TRAM2: variants seen among roughly 807,000 people sequenced by gnomAD.
The protein encoded by TRAM2 is translocation associated membrane protein 2.
Under a neutral mutation model 51.0 loss-of-function variants are expected in TRAM2, and 12 were observed. The observed-to-expected ratio is 0.24, with a 90% CI of 0.15 to 0.38. The LOEUF is 0.38. Ranked by LOEUF, TRAM2 falls within the 10% of genes least tolerant of loss-of-function variation. TRAM2 has a pLI of 1.00. For missense variants in TRAM2, 361 were observed against 462.0 expected (o/e 0.78, Z 2.00); for synonymous variants, 175 against 179.4 (o/e 0.98, Z 0.20).
intron 2 of TRAM2, among the ~76,000 whole-genome samples, chr6:52,530,663 A>G (rs937877665): frequency 6.6e-6 from 1 of 152,106 alleles, no homozygotes; most frequent in Non-Finnish European, 1.5e-5. Context: ...CGAAGGAACT[A>G]CCAGAAGCCA....
At chr6:52,546,867 G>A (rs1562485357) in intron 1 of TRAM2, among the ~76,000 whole-genome samples, 1 of 152,188 alleles carries the variant, frequency 6.6e-6, no homozygotes, top group Non-Finnish European at 1.5e-5. Flanking sequence ...TGAGCAGCCC[G>A]TGACCAGGTT....
chr6:52,558,296 G>A (rs1424190362), intron 1 of TRAM2, among the ~76,000 whole-genome samples: 1 of 152,136 alleles, frequency 6.6e-6, no homozygotes, highest in Non-Finnish European at 1.5e-5. Flanking sequence ...GGTGGGAGCA[G>A]GCCCAAAAGC....
intron 7 of TRAM2, 38 bp from the exon 8 acceptor site, chr6:52,506,174 G>C: frequency 6.3e-7 from 1 of 1,584,318 alleles, no homozygotes; most frequent in Non-Finnish European, 8.6e-7. Flanking sequence ...TTCCCTCCAA[G>C]ATGCTGCGTG....
chr6:52,516,147 T>C lies in TRAM2; in HGVS notation c.295-25A>G, dbSNP rs752568477. 3 of 1,595,620 alleles carry C rather than the reference T, an allele frequency of 1.9e-6. 1 individual carries two copies. In the South Asian group the frequency reaches 3.3e-5, roughly 18 times the overall value. ...TCTAAAGAATAAAGAAAACCCCTCATATTAATATACAAATGTATCCATATT... is the reference window on the plus strand; with the variant it reads ...TCTAAAGAATAAAGAAAACCCCTCACATTAATATACAAATGTATCCATATT... On this transcript the variant is annotated intron_variant, in intron 3 of 10. Transcript: ENST00000182527.
At chr6:52,567,726 C>G (rs1011600520) in intron 1 of TRAM2, among the ~76,000 whole-genome samples, 1 of 152,210 alleles carries the variant, frequency 6.6e-6, no homozygotes, top group African/African-American at 2.4e-5. Context: ...CTTAAAGTCT[C>G]AAAGCCAAAC....
At chr6:52,572,593 A>T (rs1389922160) in intron 1 of TRAM2, among the ~76,000 whole-genome samples, 1 of 151,874 alleles carries the variant, frequency 6.6e-6, no homozygotes, top group African/African-American at 2.4e-5. Flanking sequence ...ACAGAGCGAG[A>T]CTCCTTCTCA....
At chr6:52,527,047 T>C (rs898484363) in intron 2 of TRAM2, among the ~76,000 whole-genome samples, 20 of 152,258 alleles carry the variant, frequency 1.3e-4, no homozygotes, top group South Asian at 2.1e-4. Context: ...CACTGTTAAA[T>C]TGACAAAAAT....
intron 2 of TRAM2, 72 bp downstream of exon 2, chr6:52,535,711 G>A (rs1032378145): frequency 5.0e-6 from 7 of 1,394,730 alleles, no homozygotes; most frequent in East Asian, 2.3e-5. Flanking sequence ...GTACACAGAT[G>A]GGGAAAAGGA....
intron 1 of TRAM2, among the ~76,000 whole-genome samples, chr6:52,544,922 T>C (rs1767171296): frequency 6.6e-6 from 1 of 152,202 alleles, no homozygotes; most frequent in African/African-American, 2.4e-5. Flanking sequence ...AGTCTCCGCA[T>C]ACCCCTAAGC....
chr6:52,514,140 GCAGA>G (rs1467611654), intron 4 of TRAM2, among the ~76,000 whole-genome samples: 1 of 152,146 alleles, frequency 6.6e-6, no homozygotes, highest in African/African-American at 2.4e-5. Context: ...GCAGAAAGCA[GCAGA>G]CAGTCTCAAT....
intron 1 of TRAM2, among the ~76,000 whole-genome samples, chr6:52,554,766 CTT>C (rs549322729): frequency 4.9e-4 from 65 of 133,222 alleles, no homozygotes; most frequent in Non-Finnish European, 3.8e-4. Context: ...AGAGTCAATC[CTT>C]TTTTTTTTTT....
At chr6:52,565,984 T>TAACAA (rs775367595) in intron 1 of TRAM2, among the ~76,000 whole-genome samples, 1 of 152,222 alleles carries the variant, frequency 6.6e-6, no homozygotes, top group African/African-American at 2.4e-5. Flanking sequence ...CTTATTTAGC[T>TAACAA]AACAAAACAA....
rs1276418212 is a variant in TRAM2 at position 52,500,053 on chromosome 6, CT to C, written c.*3143del. On this transcript the variant is annotated 3_prime_UTR_variant, in exon 11 of 11. Coordinates refer to ENST00000182527, the MANE Select transcript of TRAM2 (RefSeq NM_012288.4). ...CAGATCCTTGGTCCACCAGCGCCAC[CT>C]CCCTCTCCTCCTGCTGTGTCTGTTG... 1 of 152,360 alleles carries C rather than the reference CT, an allele frequency of 6.6e-6. No homozygotes were observed. Among genetic ancestry groups the C allele is most frequent in the African/African-American group, 2.4e-5 (1 of 41,444 alleles). 9.4% of individuals were successfully genotyped at this position (152,360 alleles called of 1,614,324 possible).
intron 4 of TRAM2, among the ~76,000 whole-genome samples, chr6:52,510,876 G>A (rs1766439868): frequency 6.6e-6 from 1 of 152,132 alleles, no homozygotes. Flanking sequence ...ACAAAGCATG[G>A]GAAGAAATAA....
chr6:52,539,335 GT>G (rs1767034882), intron 1 of TRAM2, among the ~76,000 whole-genome samples: 1 of 152,204 alleles, frequency 6.6e-6, no homozygotes, highest in African/African-American at 2.4e-5. Context: ...ACCCAAAAGT[GT>G]TTGCAGCTCT....
At chr6:52,516,545 G>A (rs1347547025) in intron 3 of TRAM2, 83 bp downstream of exon 3, 18 of 1,116,184 alleles carry the variant, frequency 1.6e-5, no homozygotes, top group Non-Finnish European at 2.3e-5. Context: ...TGGGTGCAGA[G>A]CTGCAGTTTC....
Position 52,509,410 on chromosome 6 carries a change from G to A in TRAM2, c.470+118C>T, listed in dbSNP as rs544131520. The A allele has an allele frequency of 3.3e-6, 3 of 919,086 alleles. No homozygotes were observed. The East Asian group carries it at 7.4e-5, about 23-fold the overall frequency. The allele number at this position is 919,086 out of a possible 1,614,324, so 56.9% of individuals were successfully genotyped here. On this transcript the variant is annotated intron_variant, in intron 5 of 10. Coordinates refer to ENST00000182527, the MANE Select transcript of TRAM2 (RefSeq NM_012288.4). ...AAGTCTACCATCCACAATAGGCTCA[G>A]GGCATGATCTGCTCGTCAGGCCAGC...
intron 1 of TRAM2, among the ~76,000 whole-genome samples, chr6:52,565,300 C>T (rs538049648): frequency 1.2e-3 from 189 of 152,198 alleles, no homozygotes; most frequent in African/African-American, 4.5e-3. Flanking sequence ...AATGCCCAAG[C>T]TAAAACAAAA....
intron 1 of TRAM2, among the ~76,000 whole-genome samples, chr6:52,561,828 G>C (rs143454854): frequency 2.6e-5 from 4 of 151,512 alleles, no homozygotes; most frequent in South Asian, 4.2e-4. Context: ...GGCTGGTCTC[G>C]AACTCCCAAG....
Sources: allele counts gnomAD v4.1 joint callset (sites outside exome capture counted in the v4.1 genomes callset), GRCh38; gene constraint gnomAD v4.1.1; transcripts MANE v1.5; gene names NCBI Gene and HGNC (gene_info 2026-07-23, HGNC 2026-07-21).